Variants in FBXO31 observed in about 807,000 individuals in gnomAD.
The protein encoded by FBXO31 is F-box protein 31.
FBXO31 carries 24 observed loss-of-function variants against 54.4 expected under a neutral mutation model. That is an observed-to-expected ratio of 0.44 (90% CI 0.32 to 0.62). FBXO31 has a LOEUF of 0.62. Among genes scored for constraint, FBXO31 ranks in the 20% least tolerant of loss-of-function variants. The pLI, the probability that FBXO31 is intolerant of heterozygous loss-of-function variation, is 0.05. For missense variants in FBXO31, 665 were observed against 787.1 expected (o/e 0.84, Z 1.86); for synonymous variants, 388 against 335.6 (o/e 1.16, Z -1.71).
In FBXO31 at chr16:87,348,060, G is replaced by A. The variant is rs561135727; in HGVS notation, c.413-810C>T. Reference sequence around the variant, plus strand: ...CCAGGTCACCCTCGAAGCTGCCCCTGGGCCCTGCCCAGGCCTTCACCCCAT... The same window carrying A: ...CCAGGTCACCCTCGAAGCTGCCCCTAGGCCCTGCCCAGGCCTTCACCCCAT... On this transcript the variant is annotated intron_variant, in intron 2 of 8. Coordinates refer to ENST00000311635, the MANE Select transcript of FBXO31 (RefSeq NM_024735.5). Among the ~76,000 whole-genome samples, 71 of 152,276 alleles carry A rather than the reference G, an allele frequency of 4.7e-4. 1 individual carries two copies. The highest frequency in any genetic ancestry group is 1.6e-3 in the African/African-American group (67 of 41,568).
At chr16:87,367,638 G>C (rs1435011979) in intron 1 of FBXO31, 3 of 152,258 alleles carry the variant, frequency 2.0e-5, no homozygotes, top group Admixed American at 2.0e-4. Flanking sequence ...CCAGGTTCCA[G>C]ATGCCACCAG....
chr16:87,350,948 C>T (rs749008689), intron 2 of FBXO31, among the ~76,000 whole-genome samples: 20 of 152,234 alleles, frequency 1.3e-4, no homozygotes, highest in Non-Finnish European at 2.6e-4. Context: ...TGAAGCTCTG[C>T]GTGTTGGTCA....
Position 87,327,163 on chromosome 16 carries a change from A to C in FBXO31, c.*4125T>G, listed in dbSNP as rs940419504. 2.0e-5 allele frequency: 3 copies of C among 152,840 alleles called. No homozygotes were observed. The highest frequency in any genetic ancestry group is 2.0e-4 in the Admixed American group (3 of 15,320). 9.5% of individuals were successfully genotyped at this position (152,840 alleles called of 1,614,324 possible). On this transcript the variant is annotated 3_prime_UTR_variant, in exon 9 of 9. Transcript: ENST00000311635. ...AGAGGTGCTCATGATCAGATGGCAC[A>C]GCGCTTTCCTAATGCAGGCAGGCTA...
Position 87,346,345 on chromosome 16 carries a change from G to A in FBXO31, c.489+829C>T, listed in dbSNP as rs1054169242. On this transcript the variant is annotated intron_variant, in intron 3 of 8. Transcript: ENST00000311635. This position sits in a 1 kb window ranked among gnomAD's most constrained non-coding sequence, Gnocchi z 4.2. ...GGGGTGGGGGGCATCCAACACGCCTGGAGATCAGGAGAAAAGGCGGGGGCT... is the reference window on the plus strand; with the variant it reads ...GGGGTGGGGGGCATCCAACACGCCTAGAGATCAGGAGAAAAGGCGGGGGCT... Among the ~76,000 whole-genome samples, 4 of 152,208 alleles carry A rather than the reference G, an allele frequency of 2.6e-5. No homozygotes were observed. Among genetic ancestry groups the A allele is most frequent in the Non-Finnish European group, 5.9e-5 (4 of 68,032 alleles).
chr16:87,334,929 G>C (rs1904996652), intron 7 of FBXO31, among the ~76,000 whole-genome samples: 1 of 152,226 alleles, frequency 6.6e-6, no homozygotes, highest in Non-Finnish European at 1.5e-5. Flanking sequence ...AAGCACAAGG[G>C]TCTCCATGCA....
intron 2 of FBXO31, among the ~76,000 whole-genome samples, chr16:87,359,764 G>A (rs1332762565): frequency 2.0e-5 from 3 of 152,198 alleles, no homozygotes; most frequent in Non-Finnish European, 2.9e-5. Flanking sequence ...GGGCCAAGGA[G>A]CCTCTGCCTG....
chr16:87,373,017 G>A (rs1046163074), intron 1 of FBXO31, among the ~76,000 whole-genome samples: 1 of 148,460 alleles, frequency 6.7e-6, no homozygotes, highest in Non-Finnish European at 1.5e-5. Flanking sequence ...TTACAGGCGT[G>A]AGCCACTGCA....
chr16:87,347,274 GTC>G, intron 2 of FBXO31, 24 bp from the exon 3 acceptor site: 1 of 1,609,382 alleles, frequency 6.2e-7, no homozygotes. Flanking sequence ...GAAAGAGCAA[GTC>G]TCTGTGTTAG....
chr16:87,351,611 A>G (rs1383232286), intron 2 of FBXO31, among the ~76,000 whole-genome samples: 1 of 152,194 alleles, frequency 6.6e-6, no homozygotes, highest in Non-Finnish European at 1.5e-5. Context: ...ACTCAAGCCT[A>G]TAATCCCAGA....
intron 1 of FBXO31, among the ~76,000 whole-genome samples, chr16:87,374,446 G>A (rs1906736954): frequency 6.6e-6 from 1 of 152,142 alleles, no homozygotes; most frequent in Admixed American, 6.5e-5. Flanking sequence ...ATTGGGTACT[G>A]CACTGAAAGT....
intron 5 of FBXO31, among the ~76,000 whole-genome samples, chr16:87,342,273 T>C (rs751450207): frequency 6.6e-6 from 1 of 152,134 alleles, no homozygotes; most frequent in Non-Finnish European, 1.5e-5. Context: ...CAGGCTGGTT[T>C]TGAACTCCTG....
chr16:87,376,741 T>C (rs1247436394), intron 1 of FBXO31, among the ~76,000 whole-genome samples: 1 of 152,136 alleles, frequency 6.6e-6, no homozygotes, highest in Non-Finnish European at 1.5e-5. Flanking sequence ...GGACGCCAGG[T>C]GGGCAAGGAC....
At chr16:87,339,391 C>T (rs575229044) in intron 5 of FBXO31, among the ~76,000 whole-genome samples, 1 of 152,342 alleles carries the variant, frequency 6.6e-6, no homozygotes, top group South Asian at 2.1e-4. Flanking sequence ...CCTCTGAACC[C>T]CTACACGTCG....
At chr16:87,375,302 G>A (rs944216493) in intron 1 of FBXO31, among the ~76,000 whole-genome samples, 5 of 151,826 alleles carry the variant, frequency 3.3e-5, no homozygotes, top group Non-Finnish European at 5.9e-5. Context: ...GCGAGACGCC[G>A]TCTCAAAAAA....
At chr16:87,343,059 A>C in intron 4 of FBXO31, 108 bp from the exon 5 acceptor site, 1 of 894,746 alleles carries the variant, frequency 1.1e-6, no homozygotes, top group Non-Finnish European at 1.7e-6. Flanking sequence ...ACACCCACCA[A>C]ACCCCACTGC....
At chr16:87,350,782 G>A (rs982105288) in intron 2 of FBXO31, among the ~76,000 whole-genome samples, 14 of 151,644 alleles carry the variant, frequency 9.2e-5, no homozygotes, top group Admixed American at 2.0e-4. Flanking sequence ...CTCAGCTCCC[G>A]CTTTAAGTGC....
At chr16:87,343,886 C>T (rs1905273692) in intron 3 of FBXO31, 121 bp from the exon 4 acceptor site, 1 of 1,041,432 alleles carries the variant, frequency 9.6e-7, no homozygotes, top group Non-Finnish European at 1.4e-6. Context: ...CACATGGGAC[C>T]TGCACGCCCA....
Position 87,358,884 on chromosome 16 carries a change from G to A in FBXO31, c.412+1411C>T, listed in dbSNP as rs575600907. Among the ~76,000 whole-genome samples the A allele has an allele frequency of 5.9e-5, 9 of 152,212 alleles. No homozygotes were observed. Among genetic ancestry groups the A allele is most frequent in the African/African-American group, 1.2e-4 (5 of 41,530 alleles). Reference sequence around the variant, plus strand: ...TGACCGTCTAGAGAACACTTACCCCGGCTAACATACTCACTTTGCCCAGCA... The same window carrying A: ...TGACCGTCTAGAGAACACTTACCCCAGCTAACATACTCACTTTGCCCAGCA... On this transcript the variant is annotated intron_variant, in intron 2 of 8. Coordinates refer to ENST00000311635, the MANE Select transcript of FBXO31 (RefSeq NM_024735.5). The surrounding 1 kb of genome is among the most constrained non-coding windows in gnomAD (Gnocchi z 4.0).
intron 1 of FBXO31, among the ~76,000 whole-genome samples, chr16:87,380,296 CAAAAAAAAAA>C (rs71156230): frequency 7.2e-5 from 7 of 97,794 alleles, no homozygotes; most frequent in Non-Finnish European, 1.5e-4. Flanking sequence ...GACTCCGTCT[CAAAAAAAAAA>C]AAAAAAAAAG....
Sources: gnomAD v4.1 joint callset for allele counts (sites outside exome capture counted in the v4.1 genomes callset) on GRCh38, gnomAD v4.1.1 for gene constraint, Gnocchi (gnomAD v3.1) non-coding constraint, MANE v1.5 for transcripts, NCBI Gene and HGNC (gene_info 2026-07-23, HGNC 2026-07-21) for gene names.